ROBO1: variants seen among roughly 807,000 people sequenced by gnomAD.
ROBO1 encodes roundabout homolog 1.
Under a neutral mutation model 195.9 loss-of-function variants are expected in ROBO1, and 149 were observed. The ratio of observed to expected loss-of-function variants is 0.76; its 90% CI spans 0.67 to 0.87. The LOEUF is 0.87. ROBO1 is among the 40% of genes least tolerant of loss of function. ROBO1 has a pLI of 0.00. For synonymous variants in ROBO1, 816 were observed against 733.2 expected (o/e 1.11, Z -1.82); for missense variants, 1,933 against 2,068.3 (o/e 0.93, Z 1.27).
chr3:79,379,682 C>T (rs748442562), intron 2 of ROBO1, among the ~76,000 whole-genome samples: 1 of 152,112 alleles, frequency 6.6e-6, no homozygotes, highest in Non-Finnish European at 1.5e-5. Context: ...TAAGATAAGG[C>T]TATGTTTGTA....
At chr3:78,723,109 C>T (rs747103601) in intron 5 of ROBO1, among the ~76,000 whole-genome samples, 21 of 152,098 alleles carry the variant, frequency 1.4e-4, no homozygotes, top group Non-Finnish European at 2.9e-4. Flanking sequence ...TATATGATGA[C>T]GATCCCATAA....
chr3:79,205,054 G>A lies in ROBO1; in HGVS notation c.89-79515C>T, dbSNP rs143296267. 4.8e-3 allele frequency among the ~76,000 whole-genome samples: 731 copies of A among 152,080 alleles called. 5 individuals are homozygous for A. Among genetic ancestry groups the A allele is most frequent in the African/African-American group, 0.017 (697 of 41,470 alleles). ...GTCGCCTAGGCTGGACTGCAGTGGC[G>A]TGATCATGGCTCACAGCAACCTCTA... On this transcript the variant is annotated intron_variant, in intron 2 of 30. Coordinates refer to ENST00000464233, the MANE Select transcript of ROBO1 (RefSeq NM_002941.4).
chr3:78,954,950 CTTT>C (rs34852420), intron 3 of ROBO1, among the ~76,000 whole-genome samples: 1 of 139,712 alleles, frequency 7.2e-6, no homozygotes, highest in African/African-American at 2.6e-5. Flanking sequence ...TGTTTAAAAA[CTTT>C]TTTTTTTTTT....
Position 79,125,714 on chromosome 3 carries a change from G to T in ROBO1, c.89-175C>A, listed in dbSNP as rs1028461467. 3.5e-4 allele frequency among the ~76,000 whole-genome samples: 53 copies of T among 152,088 alleles called. 1 individual carries two copies. The highest frequency in any genetic ancestry group is 1.3e-3 in the African/African-American group (52 of 41,408). On this transcript the variant is annotated intron_variant, in intron 2 of 30. Transcript: ENST00000464233. ...CTGCGGCACACTAAGCCCTGCGAAG[G>T]TCTCAGCATCATGGTTTTTACAGTT...
chr3:79,108,667 G>A (rs1181343029), intron 3 of ROBO1, among the ~76,000 whole-genome samples: 2 of 151,758 alleles, frequency 1.3e-5, no homozygotes, highest in Non-Finnish European at 3.0e-5. Context: ...GGGTGAATAA[G>A]GGTGCCCTAA....
At chr3:78,641,031 T>C (rs1194646996) in intron 21 of ROBO1, among the ~76,000 whole-genome samples, 1 of 152,208 alleles carries the variant, frequency 6.6e-6, no homozygotes, top group East Asian at 1.9e-4. Context: ...CATTTTTGTA[T>C]GCATATGTGG....
At chr3:78,791,486 GA>G (rs2084018781) in intron 4 of ROBO1, among the ~76,000 whole-genome samples, 1 of 152,154 alleles carries the variant, frequency 6.6e-6, no homozygotes, top group Non-Finnish European at 1.5e-5. Context: ...GCAGAGAATG[GA>G]TATATCCTGA....
chr3:78,811,437 T>C (rs1391364030), intron 4 of ROBO1, among the ~76,000 whole-genome samples: 1 of 152,164 alleles, frequency 6.6e-6, no homozygotes, highest in African/African-American at 2.4e-5. Flanking sequence ...TAACAAAGCA[T>C]AGTAACCTTG....
rs542186757 is a variant in ROBO1, at chr3:78,746,770, T to C, written c.630A>G (p.Pro210=). 2.4e-5 allele frequency: 37 copies of C among 1,569,986 alleles called. No individual in the cohort carries two copies. In the South Asian group the frequency reaches 3.7e-4, roughly 16 times the overall value. Residue 210 remains proline (P), a synonymous_variant, in exon 5 of 31, where the codon CCA becomes CCG. Coordinates refer to ENST00000464233, the MANE Select transcript of ROBO1 (RefSeq NM_002941.4). The part of the protein sequence containing the change: ...PTISWKKDGS[P]LDDKDERITI... ...TTATTCTTTCATCTTTATCATCCAG[T>C]GGAGAGCCATCTTTCTTCCATGAAA... is the stretch of plus-strand genomic sequence containing the variant.
At chr3:79,559,368 T>A (rs1942825081) in intron 2 of ROBO1, among the ~76,000 whole-genome samples, 1 of 152,158 alleles carries the variant, frequency 6.6e-6, no homozygotes, top group Non-Finnish European at 1.5e-5. Flanking sequence ...TATTTTAATA[T>A]AAATATTAGC....
At chr3:78,723,113 C>A (rs1388021208) in intron 5 of ROBO1, among the ~76,000 whole-genome samples, 1 of 152,092 alleles carries the variant, frequency 6.6e-6, no homozygotes, top group African/African-American at 2.4e-5. Context: ...TGATGACGAT[C>A]CCATAAGATG....
chr3:78,958,819 C>CTTT (rs753439088), intron 3 of ROBO1, among the ~76,000 whole-genome samples: 8 of 130,586 alleles, frequency 6.1e-5, no homozygotes, highest in East Asian at 2.2e-4. Context: ...CTTTCTTCTT[C>CTTT]TTTTTTTTTT....
At chr3:78,836,969 A>G (rs2032795477) in intron 4 of ROBO1, among the ~76,000 whole-genome samples, 1 of 152,204 alleles carries the variant, frequency 6.6e-6, no homozygotes, top group South Asian at 2.1e-4. Context: ...TCCATTTATT[A>G]AAGAAAATAT....
intron 2 of ROBO1, among the ~76,000 whole-genome samples, chr3:79,129,575 G>A (rs1181864771): frequency 1.3e-5 from 2 of 151,994 alleles, no homozygotes; most frequent in Non-Finnish European, 2.9e-5. Context: ...AGGAAACTTT[G>A]TCTTTAAATA....
chr3:79,454,495 ACCTG>A (rs1487091271), intron 2 of ROBO1, among the ~76,000 whole-genome samples: 1 of 152,128 alleles, frequency 6.6e-6, no homozygotes, highest in Non-Finnish European at 1.5e-5. Context: ...AATTTATTTA[ACCTG>A]CCTTTCAATT....
chr3:79,296,918 A>G (rs2032626007), intron 2 of ROBO1, among the ~76,000 whole-genome samples: 1 of 152,276 alleles, frequency 6.6e-6, no homozygotes, highest in African/African-American at 2.4e-5. Context: ...GGTATATTTA[A>G]TCTTATGAAA....
intron 2 of ROBO1, among the ~76,000 whole-genome samples, chr3:79,294,160 A>C (rs1057139416): frequency 2.0e-5 from 3 of 152,040 alleles, no homozygotes; most frequent in Non-Finnish European, 4.4e-5. Flanking sequence ...AAGCAAAAAG[A>C]ACAAAGCTGG....
intron 2 of ROBO1, among the ~76,000 whole-genome samples, chr3:79,539,645 C>T (rs1462005401): frequency 6.6e-6 from 1 of 151,996 alleles, no homozygotes; most frequent in Non-Finnish European, 1.5e-5. Context: ...ATTCAAATCT[C>T]TTGCAGTTTA....
At chr3:78,599,032 A>G in intron 30 of ROBO1, 105 bp from the exon 31 acceptor site, 1 of 605,586 alleles carries the variant, frequency 1.7e-6, no homozygotes, top group Non-Finnish European at 2.7e-6. Flanking sequence ...GTGTCTTTTC[A>G]TTTATTCAAT....
Sources: allele counts gnomAD v4.1 joint callset (sites outside exome capture counted in the v4.1 genomes callset), GRCh38; gene constraint gnomAD v4.1.1; transcripts MANE v1.5; gene names NCBI Gene and HGNC (gene_info 2026-07-23, HGNC 2026-07-21).